SDK1: variants seen among roughly 807,000 people sequenced by gnomAD.
SDK1 encodes the protein protein sidekick-1.
Under a neutral mutation model 245.5 loss-of-function variants are expected in SDK1, and 157 were observed. That is an observed-to-expected ratio of 0.64 (90% CI 0.56 to 0.73). The LOEUF is 0.73. Ranked by LOEUF, SDK1 falls within the 30% of genes least tolerant of loss-of-function variation. The pLI is 0.00. For synonymous variants in SDK1, 1,647 were observed against 1,278.5 expected (o/e 1.29, Z -6.15); for missense variants, 3,583 against 3,002.3 (o/e 1.19, Z -4.52).
At chr7:3,592,425 C>G (rs1466696626) in intron 1 of SDK1, among the ~76,000 whole-genome samples, 1 of 152,210 alleles carries the variant, frequency 6.6e-6, no homozygotes, top group Non-Finnish European at 1.5e-5. Flanking sequence ...CCGCCTTCTA[C>G]TTTAAGTCTT....
At chr7:3,550,327 C>G (rs1386752570) in intron 1 of SDK1, among the ~76,000 whole-genome samples, 1 of 152,104 alleles carries the variant, frequency 6.6e-6, no homozygotes, top group African/African-American at 2.4e-5. Context: ...TTTGCGTTTT[C>G]TTCCCTTTTC....
intron 38 of SDK1, among the ~76,000 whole-genome samples, chr7:4,214,138 G>A (rs1350631461): frequency 6.6e-6 from 1 of 152,060 alleles, no homozygotes; most frequent in East Asian, 1.9e-4. Context: ...ATAATGACGA[G>A]GGTTGGGATT....
chr7:3,868,020 G>C (rs556073780), intron 5 of SDK1, among the ~76,000 whole-genome samples: 1 of 151,878 alleles, frequency 6.6e-6, no homozygotes, highest in Non-Finnish European at 1.5e-5. Context: ...TTCATAACTC[G>C]AGAGTCATTT....
At chr7:4,250,895 T>G (rs1246109955) in intron 44 of SDK1, among the ~76,000 whole-genome samples, 1 of 152,164 alleles carries the variant, frequency 6.6e-6, no homozygotes, top group Non-Finnish European at 1.5e-5. Context: ...TTTTGGAACT[T>G]TTTCATCGCT....
chr7:3,353,891 C>T (rs1452168048), intron 1 of SDK1, among the ~76,000 whole-genome samples: 1 of 96,348 alleles, frequency 1.0e-5, no homozygotes, highest in Non-Finnish European at 2.1e-5. Flanking sequence ...ACGTCCTCCT[C>T]ATCCATGAGG....
At chr7:4,240,842 C>G (rs1381509133) in intron 42 of SDK1, among the ~76,000 whole-genome samples, 1 of 152,056 alleles carries the variant, frequency 6.6e-6, no homozygotes, top group African/African-American at 2.4e-5. Context: ...CCGGGAAATA[C>G]TGGGAGAAGG....
At chr7:4,033,245 G>A (rs531015449) in intron 17 of SDK1, among the ~76,000 whole-genome samples, 50 of 150,834 alleles carry the variant, frequency 3.3e-4, no homozygotes, top group Non-Finnish European at 6.0e-4. Flanking sequence ...TGAAATAAGT[G>A]GATACCTATA....
chr7:3,527,904 T>C (rs1455059226), intron 1 of SDK1, among the ~76,000 whole-genome samples: 4 of 142,110 alleles, frequency 2.8e-5, no homozygotes, highest in African/African-American at 1.1e-4. Flanking sequence ...GGAGGTAAGG[T>C]TGGATCATGG....
rs1414779331 is a variant in SDK1 at position 3,340,644 on chromosome 7, TCCCAG to T, written c.298+38762_298+38766del. On this transcript the variant is annotated intron_variant, in intron 1 of 44. Transcript: ENST00000404826. The stretch of plus-strand genomic sequence containing the variant: ...GGGGCATGGTGGCAGGCGCCTGTAG[TCCCAG>T]CTACTCAGGAGGCTGAGGCAGGAGA... 2.0e-5 allele frequency among the ~76,000 whole-genome samples: 3 copies of T among 151,660 alleles called. No homozygotes were observed. In the South Asian group the frequency reaches 6.3e-4, roughly 32 times the overall value.
intron 5 of SDK1, among the ~76,000 whole-genome samples, chr7:3,885,660 A>G (rs1353230329): frequency 6.6e-6 from 1 of 150,934 alleles, no homozygotes; most frequent in Admixed American, 6.6e-5. Context: ...TGTGGTATCA[A>G]TTATCATATC....
chr7:3,656,005 G>A (rs1022310560), intron 4 of SDK1, among the ~76,000 whole-genome samples: 2 of 152,148 alleles, frequency 1.3e-5, no homozygotes, highest in East Asian at 1.9e-4. Context: ...CGTGAAGTAC[G>A]CATGGTGTGG....
At chr7:3,441,958 T>C (rs1023045461) in intron 1 of SDK1, among the ~76,000 whole-genome samples, 10 of 152,138 alleles carry the variant, frequency 6.6e-5, no homozygotes, top group African/African-American at 2.4e-4. Flanking sequence ...CCACTTAATA[T>C]GATAGGTATG....
chr7:4,004,416 C>T (rs748852363), intron 14 of SDK1, among the ~76,000 whole-genome samples: 2 of 152,180 alleles, frequency 1.3e-5, no homozygotes, highest in Non-Finnish European at 2.9e-5. Flanking sequence ...GGGGAACTAT[C>T]CTTATTTTAA....
At chr7:3,388,570 A>G (rs1439942828) in intron 1 of SDK1, among the ~76,000 whole-genome samples, 2 of 151,832 alleles carry the variant, frequency 1.3e-5, no homozygotes, top group South Asian at 2.1e-4. Context: ...GAATTTCTCA[A>G]ATATTAACTT....
chr7:3,792,090 T>A (rs974870044), intron 4 of SDK1, among the ~76,000 whole-genome samples: 8 of 152,100 alleles, frequency 5.3e-5, no homozygotes, highest in Admixed American at 4.6e-4. Flanking sequence ...AGTGCACCAC[T>A]GCACTCCCGC....
At chr7:3,481,623 G>C (rs1419178072) in intron 1 of SDK1, among the ~76,000 whole-genome samples, 1 of 152,128 alleles carries the variant, frequency 6.6e-6, no homozygotes, top group Non-Finnish European at 1.5e-5. Context: ...CCCTTCCTGT[G>C]TACAGGGTTA....
chr7:3,459,353 A>G (rs1471265393), intron 1 of SDK1, among the ~76,000 whole-genome samples: 2 of 152,210 alleles, frequency 1.3e-5, no homozygotes, highest in South Asian at 4.1e-4. Context: ...AAGACTTGAA[A>G]TGCACAAATC....
chr7:3,888,340 C>A (rs1166122595), intron 5 of SDK1, among the ~76,000 whole-genome samples: 1 of 152,178 alleles, frequency 6.6e-6, no homozygotes, highest in South Asian at 2.1e-4. Context: ...ACAGCCTGGC[C>A]CACAGCATCG....
At chr7:3,890,355 A>G (rs1229685419) in intron 5 of SDK1, among the ~76,000 whole-genome samples, 2 of 152,258 alleles carry the variant, frequency 1.3e-5, no homozygotes, top group Non-Finnish European at 2.9e-5. Flanking sequence ...TTGTGCCGGG[A>G]AAAATGTCAA....
Sources: allele counts gnomAD v4.1 joint callset (sites outside exome capture counted in the v4.1 genomes callset), GRCh38; gene constraint gnomAD v4.1.1; transcripts MANE v1.5; gene names NCBI Gene and HGNC (gene_info 2026-07-23, HGNC 2026-07-21).